Variants in IYD observed in about 807,000 individuals in gnomAD.
IYD encodes iodotyrosine deiodinase.
Under a neutral mutation model 28.4 loss-of-function variants are expected in IYD, and 25 were observed. That is an observed-to-expected ratio of 0.88 (90% CI 0.64 to 1.23). The LOEUF is 1.23. Ranked by LOEUF, IYD falls within the 50% of genes most tolerant of loss-of-function variation. IYD has a pLI of 0.00. For synonymous variants in IYD, 140 were observed against 130.8 expected, an observed-to-expected ratio of 1.07 and a Z score of -0.48; for missense variants, 352 against 357.9, an observed-to-expected ratio of 0.98 and a Z score of 0.13.
intron 4 of IYD, among the ~76,000 whole-genome samples, chr6:150,394,819 T>C (rs1440941221): frequency 1.3e-5 from 2 of 152,182 alleles, no homozygotes; most frequent in African/African-American, 4.8e-5. Context: ...TCCACAAATA[T>C]TTTCTGAGCT....
intron 1 of IYD, among the ~76,000 whole-genome samples, chr6:150,387,537 C>T (rs1251287683): frequency 6.6e-6 from 1 of 151,900 alleles, no homozygotes; most frequent in Non-Finnish European, 1.5e-5. Context: ...AATATTGCCT[C>T]CACCATATAC....
rs574661389 is a variant in IYD, at chr6:150,405,807, T to C, written c.*7570T>C. The C allele has an allele frequency of 1.1e-4, 16 of 152,334 alleles. No homozygotes were observed. Among genetic ancestry groups the C allele is most frequent in the Middle Eastern group, 6.8e-3 (2 of 294 alleles). 9.4% of individuals were successfully genotyped at this position (152,334 alleles called of 1,614,324 possible). On this transcript the variant is annotated 3_prime_UTR_variant, in exon 5 of 5. Coordinates refer to ENST00000344419, the MANE Select transcript of IYD (RefSeq NM_203395.3). ...AAGACATAGCCAAACCATATCATCATCTTAAATTTCTGTGATTCTTTTATT... is the reference window on the plus strand; with the variant it reads ...AAGACATAGCCAAACCATATCATCACCTTAAATTTCTGTGATTCTTTTATT...
intron 1 of IYD, among the ~76,000 whole-genome samples, chr6:150,375,812 C>A (rs982479): frequency 0.29 from 44,389 of 151,984 alleles, 6,756 homozygotes; most frequent in East Asian, 0.45. Context: ...TCAAAATCTG[C>A]ATCACCCTCC....
intron 1 of IYD, among the ~76,000 whole-genome samples, chr6:150,375,262 G>A (rs1777404388): frequency 6.6e-6 from 1 of 152,162 alleles, no homozygotes; most frequent in South Asian, 2.1e-4. Context: ...TTGGAGCTAG[G>A]ATTTTTTAGA....
At chr6:150,390,865 G>A (rs564262019) in intron 2 of IYD, among the ~76,000 whole-genome samples, 6 of 152,212 alleles carry the variant, frequency 3.9e-5, no homozygotes, top group Admixed American at 3.3e-4. Flanking sequence ...AACTGATCAA[G>A]GTGTGGACTG....
chr6:150,394,398 G>T, intron 4 of IYD, 143 bp downstream of exon 4: 1 of 847,062 alleles, frequency 1.2e-6, no homozygotes. Flanking sequence ...ACTGACTCTG[G>T]AAACCTGGAT....
intron 1 of IYD, among the ~76,000 whole-genome samples, chr6:150,374,388 T>G (rs1251311795): frequency 6.6e-6 from 1 of 152,202 alleles, no homozygotes; most frequent in East Asian, 1.9e-4. Context: ...GGAAACTTAG[T>G]GTATTAGTCT....
intron 2 of IYD, 65 bp from the exon 3 acceptor site, chr6:150,392,280 C>T (rs1778148939): frequency 1.9e-6 from 3 of 1,608,352 alleles, no homozygotes; most frequent in Middle Eastern, 2.2e-4. Context: ...ATGAGCCTCT[C>T]CTTAATTAGC....
intron 1 of IYD, among the ~76,000 whole-genome samples, chr6:150,381,029 T>A (rs1777628561): frequency 6.6e-6 from 1 of 152,210 alleles, no homozygotes; most frequent in Non-Finnish European, 1.5e-5. Flanking sequence ...TCTTCTTCCC[T>A]CATCAGCCTG....
At chr6:150,392,617 C>A in intron 3 of IYD, 113 bp downstream of exon 3, 2 of 1,125,102 alleles carry the variant, frequency 1.8e-6, no homozygotes, top group Non-Finnish European at 2.6e-6. Flanking sequence ...TTCTATTCTG[C>A]CTCTTGGAGG....
intron 1 of IYD, among the ~76,000 whole-genome samples, chr6:150,370,908 G>A (rs934852454): frequency 3.3e-5 from 5 of 152,180 alleles, no homozygotes; most frequent in African/African-American, 7.2e-5. Context: ...GATTTCAGAC[G>A]ACAGTGACAC....
chr6:150,400,926 G>A lies in IYD; in HGVS notation c.*2689G>A, dbSNP rs977707200. ...GGTATAAAAGACAACTGGGAATGTTGAATGTGGATCTGGTGGTAGGTGATA... is the reference window on the plus strand; with the variant it reads ...GGTATAAAAGACAACTGGGAATGTTAAATGTGGATCTGGTGGTAGGTGATA... On this transcript the variant is annotated 3_prime_UTR_variant, in exon 5 of 5. Coordinates refer to ENST00000344419, the MANE Select transcript of IYD (RefSeq NM_203395.3). The A allele has an allele frequency of 2.6e-5, 4 of 152,200 alleles. No homozygotes were observed. The highest frequency in any genetic ancestry group is 5.9e-5 in the Non-Finnish European group (4 of 68,038). 9.4% of individuals were successfully genotyped at this position (152,200 alleles called of 1,614,324 possible).
chr6:150,382,635 C>A (rs1199924568), intron 1 of IYD, among the ~76,000 whole-genome samples: 2 of 152,144 alleles, frequency 1.3e-5, no homozygotes, highest in Admixed American at 1.3e-4. Context: ...TACATTCTCA[C>A]CTATGTTTTC....
intron 4 of IYD, among the ~76,000 whole-genome samples, chr6:150,397,083 A>G (rs1192986612): frequency 1.3e-5 from 2 of 152,176 alleles, no homozygotes; most frequent in Non-Finnish European, 2.9e-5. Context: ...ATGATGTTGT[A>G]TAAGAGACCT....
rs1007964487 is a variant in IYD, at chr6:150,403,189, G to A, written c.*4952G>A. 6.6e-6 allele frequency: 1 copy of A among 152,216 alleles called. No homozygotes were observed. Among genetic ancestry groups the A allele is most frequent in the Non-Finnish European group, 1.5e-5 (1 of 68,038 alleles). The allele number at this position is 152,216 out of a possible 1,614,324, so 9.4% of individuals were successfully genotyped here. A position where few individuals can be genotyped will look rare whatever the true frequency, so the allele number is the denominator to read the frequency against. ...CATCTTTTAGGAATATCAGTAAGTG[G>A]AAGAAAAACACATAGTTATCAGTGG... On this transcript the variant is annotated 3_prime_UTR_variant, in exon 5 of 5. Transcript: ENST00000344419.
chr6:150,399,309 A>G lies in IYD; in HGVS notation c.*1072A>G, dbSNP rs1202939205. The G allele has an allele frequency of 3.3e-5, 5 of 152,212 alleles. No homozygotes were observed. The highest frequency in any genetic ancestry group is 1.2e-4 in the African/African-American group (5 of 41,442). The allele number at this position is 152,212 out of a possible 1,614,324, so 9.4% of individuals were successfully genotyped here. A position where few individuals can be genotyped will look rare whatever the true frequency, so the allele number is the denominator to read the frequency against. On this transcript the variant is annotated 3_prime_UTR_variant, in exon 5 of 5. Transcript: ENST00000344419. The stretch of plus-strand genomic sequence containing the variant: ...AATCAGCACTTGCTTTCTTCTTCTT[A>G]AAGAGAGCTGCTTACCATACATAGC...
intron 1 of IYD, chr6:150,385,213 T>A (rs1777815966): frequency 6.6e-6 from 1 of 152,188 alleles, no homozygotes; most frequent in Non-Finnish European, 1.5e-5. Context: ...GTGAAGACAT[T>A]CTCTTATATT....
chr6:150,375,945 T>C (rs1279546423), intron 1 of IYD, among the ~76,000 whole-genome samples: 1 of 152,194 alleles, frequency 6.6e-6, no homozygotes. Flanking sequence ...GACTGTGTAG[T>C]AGAACTGTAA....
chr6:150,377,150 A>G (rs1345719708), intron 1 of IYD, among the ~76,000 whole-genome samples: 1 of 152,196 alleles, frequency 6.6e-6, no homozygotes, highest in East Asian at 1.9e-4. Flanking sequence ...TACTGTTGGT[A>G]TCAATAGCAA....
Sources: gnomAD v4.1 joint callset for allele counts (sites outside exome capture counted in the v4.1 genomes callset) on GRCh38, gnomAD v4.1.1 for gene constraint, MANE v1.5 for transcripts, NCBI Gene and HGNC (gene_info 2026-07-23, HGNC 2026-07-21) for gene names.